THSD7B: variants seen among roughly 807,000 people sequenced by gnomAD.
The protein encoded by THSD7B is thrombospondin type 1 domain containing 7B.
A neutral mutation model predicts 213.6 loss-of-function variants in THSD7B; 138 were observed. The ratio of observed to expected loss-of-function variants is 0.65; its 90% CI spans 0.56 to 0.74. The LOEUF (loss-of-function observed/expected upper bound fraction) is 0.74. Among genes scored for constraint, THSD7B ranks in the 30% least tolerant of loss-of-function variants. The pLI, the probability that THSD7B is intolerant of heterozygous loss-of-function variation, is 0.00. For missense variants in THSD7B, 1,931 were observed against 1,991.5 expected, an observed-to-expected ratio of 0.97 and a Z score of 0.58; for synonymous variants, 742 against 687.0, an observed-to-expected ratio of 1.08 and a Z score of -1.25.
chr2:137,377,180 T>A (rs1469787161), intron 12 of THSD7B, among the ~76,000 whole-genome samples: 2 of 151,822 alleles, frequency 1.3e-5, no homozygotes, highest in African/African-American at 4.8e-5. Context: ...AGGGAAAAAA[T>A]TCTGTTTATA....
chr2:137,598,323 A>G (rs900309701), intron 17 of THSD7B, among the ~76,000 whole-genome samples: 2 of 152,192 alleles, frequency 1.3e-5, no homozygotes, highest in African/African-American at 4.8e-5. Flanking sequence ...AGAATATAGA[A>G]TCAGGAGTAA....
chr2:137,407,366 T>C (rs1446218658), intron 13 of THSD7B, among the ~76,000 whole-genome samples: 1 of 152,168 alleles, frequency 6.6e-6, no homozygotes, highest in Non-Finnish European at 1.5e-5. Context: ...AGGTGGCTAA[T>C]TGACCTTTGT....
At chr2:136,966,223 A>T (rs1573738673) in intron 2 of THSD7B, among the ~76,000 whole-genome samples, 1 of 149,608 alleles carries the variant, frequency 6.7e-6, no homozygotes, top group Non-Finnish European at 1.5e-5. Context: ...CTTCCTAAAC[A>T]TTTTTTTTTT....
chr2:137,455,865 A>G (rs1231135420), intron 15 of THSD7B, among the ~76,000 whole-genome samples: 2 of 152,308 alleles, frequency 1.3e-5, no homozygotes, highest in Middle Eastern at 3.4e-3. Context: ...GTTGCCTAAT[A>G]GAAGATTAAA....
intron 7 of THSD7B, among the ~76,000 whole-genome samples, chr2:137,226,859 TAAACA>T: frequency 1.4e-5 from 2 of 146,788 alleles, no homozygotes; most frequent in Non-Finnish European, 3.1e-5. Flanking sequence ...GACAGATGAA[TAAACA>T]CATTTCAGTA....
At position 137,349,431 on chromosome 2, in the gene THSD7B, T is replaced by A. The variant is rs187645403; in HGVS notation, c.2501-56182T>A. 3.5e-3 allele frequency among the ~76,000 whole-genome samples: 525 copies of A among 151,978 alleles called. 3 individuals carry two copies. The highest frequency in any genetic ancestry group is 0.012 in the African/African-American group (493 of 41,520). ...CTGTTTATAAGAATCATGTCTGGCATATGCAAAGTGCATAAAAATCCTTAG... is the reference window on the plus strand; with the variant it reads ...CTGTTTATAAGAATCATGTCTGGCAAATGCAAAGTGCATAAAAATCCTTAG... On this transcript the variant is annotated intron_variant, in intron 12 of 27. Coordinates refer to ENST00000409968, the MANE Select transcript of THSD7B (RefSeq NM_001316349.2).
At chr2:136,927,861 G>GAGGGTC (rs1440218929) in intron 2 of THSD7B, among the ~76,000 whole-genome samples, 1 of 152,178 alleles carries the variant, frequency 6.6e-6, no homozygotes, top group African/African-American at 2.4e-5. Context: ...CTTCCTAACG[G>GAGGGTC]AGGGTCAGCA....
intron 15 of THSD7B, among the ~76,000 whole-genome samples, chr2:137,463,403 CT>C (rs892642972): frequency 4.0e-5 from 6 of 151,372 alleles, no homozygotes; most frequent in Non-Finnish European, 7.4e-5. Flanking sequence ...AACTCAACTG[CT>C]TTTTTTTTCT....
chr2:137,197,790 G>T (rs976398822), intron 7 of THSD7B, among the ~76,000 whole-genome samples: 1 of 152,196 alleles, frequency 6.6e-6, no homozygotes, highest in Admixed American at 6.5e-5. Context: ...AGAGAGTGTA[G>T]TCCATGTTTG....
chr2:137,521,168 C>T (rs1680177037), intron 15 of THSD7B, among the ~76,000 whole-genome samples: 2 of 152,058 alleles, frequency 1.3e-5, no homozygotes, highest in Admixed American at 1.3e-4. Context: ...AAGAGCTGAT[C>T]CAGAGATTTG....
At chr2:137,046,812 G>T (rs918251146) in intron 2 of THSD7B, among the ~76,000 whole-genome samples, 2 of 151,924 alleles carry the variant, frequency 1.3e-5, no homozygotes, top group African/African-American at 4.8e-5. Context: ...CTTATTGGGG[G>T]AACCGAAAGG....
intron 5 of THSD7B, among the ~76,000 whole-genome samples, chr2:137,122,825 A>G (rs1189344537): frequency 6.6e-6 from 1 of 152,032 alleles, no homozygotes; most frequent in Non-Finnish European, 1.5e-5. Flanking sequence ...TGGATAACCC[A>G]TGCCTAGAAA....
chr2:137,641,247 G>C (rs757224965), intron 20 of THSD7B, among the ~76,000 whole-genome samples: 1 of 152,104 alleles, frequency 6.6e-6, no homozygotes, highest in Non-Finnish European at 1.5e-5. Context: ...CTTCTGTCAG[G>C]TCCTCAGATA....
chr2:136,916,006 G>A (rs561611298), intron 2 of THSD7B, among the ~76,000 whole-genome samples: 1 of 152,256 alleles, frequency 6.6e-6, no homozygotes, highest in African/African-American at 2.4e-5. Flanking sequence ...GGCATAAAAG[G>A]AGATAAAGAA....
chr2:137,140,885 A>G (rs1679572720), intron 5 of THSD7B, among the ~76,000 whole-genome samples: 1 of 152,200 alleles, frequency 6.6e-6, no homozygotes, highest in Non-Finnish European at 1.5e-5. Context: ...GTAAATAATA[A>G]TAAACGAATG....
intron 12 of THSD7B, among the ~76,000 whole-genome samples, chr2:137,346,096 G>A (rs1054455814): frequency 1.3e-5 from 2 of 151,440 alleles, no homozygotes; most frequent in Admixed American, 6.6e-5. Flanking sequence ...TTTTCTAGTG[G>A]TAAAAAGCAC....
chr2:136,886,305 G>T (rs906800540), intron 2 of THSD7B, among the ~76,000 whole-genome samples: 10 of 152,140 alleles, frequency 6.6e-5, no homozygotes, highest in African/African-American at 2.4e-4. Context: ...AATAAGATTT[G>T]AAGAGGATCC....
rs1685967896 is a variant in THSD7B at position 137,389,402 on chromosome 2, A to ACTT, written c.2501-16211_2501-16210insCTT. 2.4e-3 allele frequency among the ~76,000 whole-genome samples: 93 copies of ACTT among 38,080 alleles called. 4 individuals carry two copies. Among genetic ancestry groups the ACTT allele is most frequent in the Middle Eastern group, 0.02 (1 of 50 alleles). The allele number at this position is 38,080 out of a possible 152,430, so 25.0% of individuals were successfully genotyped here. On this transcript the variant is annotated intron_variant, in intron 12 of 27. Transcript: ENST00000409968. ...GATAGTTTGACCACTTCTTAATGTG[A>ACTT]TTTTTTTTTTTTTTTTTTTTTTTTT...
intron 4 of THSD7B, among the ~76,000 whole-genome samples, chr2:137,100,430 C>T (rs144910074): frequency 4.6e-5 from 7 of 151,652 alleles, no homozygotes; most frequent in African/African-American, 9.7e-5. Flanking sequence ...CAGTTTTTGC[C>T]GTGGAAAGCA....
Sources: allele counts gnomAD v4.1 joint callset (sites outside exome capture counted in the v4.1 genomes callset), GRCh38; gene constraint gnomAD v4.1.1; transcripts MANE v1.5; gene names NCBI Gene and HGNC (gene_info 2026-07-23, HGNC 2026-07-21).